The following ATP8B4 variants were observed in gnomAD, a reference collection of about 807,000 sequenced individuals.
The protein encoded by ATP8B4 is probable phospholipid-transporting ATPase IM.
ATP8B4 carries 133 observed loss-of-function variants against 145.6 expected under a neutral mutation model. The ratio of observed to expected loss-of-function variants is 0.91; its 90% CI spans 0.79 to 1.05. The LOEUF is 1.05. Among genes scored for constraint, ATP8B4 ranks in the 50% least tolerant of loss-of-function variants. The probability of loss-of-function intolerance (pLI) is 0.00; values close to 1 mark genes in which losing one functional copy is unlikely to be tolerated. For synonymous variants in ATP8B4, 507 were observed against 492.9 expected, an observed-to-expected ratio of 1.03 and a Z score of -0.38; for missense variants, 1,458 against 1,425.2, an observed-to-expected ratio of 1.02 and a Z score of -0.37.
At chr15:50,139,113 T>C (rs539407821) in intron 1 of ATP8B4, among the ~76,000 whole-genome samples, 3 of 152,294 alleles carry the variant, frequency 2.0e-5, no homozygotes, top group African/African-American at 7.2e-5. Flanking sequence ...TTATAAATCA[T>C]TGTACTAAAA....
intron 12 of ATP8B4, among the ~76,000 whole-genome samples, chr15:49,977,299 T>C (rs900772464): frequency 2.6e-5 from 4 of 152,158 alleles, no homozygotes; most frequent in Admixed American, 6.6e-5. Flanking sequence ...AAACCTGAAA[T>C]TCCTTGGAAT....
intron 1 of ATP8B4, among the ~76,000 whole-genome samples, chr15:50,140,397 T>C (rs571954597): frequency 3.3e-5 from 5 of 152,282 alleles, no homozygotes; most frequent in Admixed American, 2.6e-4. Context: ...CATTTCCTAA[T>C]GTGTAATGTG....
intron 2 of ATP8B4, among the ~76,000 whole-genome samples, chr15:50,087,133 A>ATC (rs1407973254): frequency 1.6e-5 from 2 of 126,344 alleles, no homozygotes; most frequent in African/African-American, 6.3e-5. Context: ...TAATATATAG[A>ATC]TCTATATTTA....
rs369245804 is a variant in ATP8B4 at position 50,098,664 on chromosome 15, A to G, written c.28+8275T>C. Among the ~76,000 whole-genome samples, 19 of 152,196 alleles carry G rather than the reference A, an allele frequency of 1.2e-4. 1 individual carries two copies. In the East Asian group the frequency reaches 2.1e-3, roughly 17 times the overall value. ...CTAAAAGCATATTTAACTACTTTCT[A>G]TATGTAGATTCACAAAAATAAGCAT... On this transcript the variant is annotated intron_variant, in intron 2 of 27. Coordinates refer to ENST00000284509, the MANE Select transcript of ATP8B4 (RefSeq NM_024837.4).
At chr15:49,960,316 C>T (rs543670452) in intron 14 of ATP8B4, among the ~76,000 whole-genome samples, 13 of 152,218 alleles carry the variant, frequency 8.5e-5, no homozygotes, top group South Asian at 4.1e-4. Context: ...CATGAGCCAC[C>T]ACGCCCAGCC....
intron 1 of ATP8B4, among the ~76,000 whole-genome samples, chr15:50,176,016 GTA>G (rs1336429477): frequency 6.6e-6 from 1 of 150,732 alleles, no homozygotes. Flanking sequence ...ATGTATCGCA[GTA>G]TATATATATC....
chr15:49,985,638 C>G (rs1435536792), intron 10 of ATP8B4, among the ~76,000 whole-genome samples: 2 of 152,206 alleles, frequency 1.3e-5, no homozygotes, highest in Non-Finnish European at 2.9e-5. Flanking sequence ...CAAGTGAACA[C>G]TGTGGCCAAA....
At chr15:49,997,499 T>A (rs1254797825) in intron 8 of ATP8B4, among the ~76,000 whole-genome samples, 1 of 152,160 alleles carries the variant, frequency 6.6e-6, no homozygotes, top group Non-Finnish European at 1.5e-5. Context: ...TTCTATCTTT[T>A]ATGGAAATGT....
chr15:49,895,043 C>T (rs993490770), intron 23 of ATP8B4: 5 of 152,196 alleles, frequency 3.3e-5, no homozygotes, highest in Non-Finnish European at 7.3e-5. Flanking sequence ...ATCCCTTTTC[C>T]ACCTGGCCCT....
chr15:49,990,833 A>G (rs763004586), intron 9 of ATP8B4, among the ~76,000 whole-genome samples: 4 of 152,174 alleles, frequency 2.6e-5, no homozygotes, highest in Admixed American at 6.6e-5. Context: ...AGCAAATAAA[A>G]CATCAATATT....
intron 1 of ATP8B4, among the ~76,000 whole-genome samples, chr15:50,109,679 G>C (rs56123457): frequency 6.6e-6 from 1 of 151,626 alleles, no homozygotes; most frequent in Non-Finnish European, 1.5e-5. Flanking sequence ...GCGGCAATGA[G>C]AATGCAAGCA....
In ATP8B4 at chr15:49,940,694, A is replaced by T. The variant is rs541029426; in HGVS notation, c.1288-6512T>A. ...CCGAAAATGAATCTGGAAAGAGAAT[A>T]AGGGGCTAGGTCCTCAATGACTTAG... On this transcript the variant is annotated intron_variant, in intron 14 of 27. Transcript: ENST00000284509. Among the ~76,000 whole-genome samples the T allele has an allele frequency of 2.6e-5, 4 of 152,310 alleles. No individual in the cohort carries two copies. The South Asian group carries it at 8.3e-4, about 32-fold the overall frequency.
At chr15:50,035,763 T>C (rs2050787482) in intron 6 of ATP8B4, among the ~76,000 whole-genome samples, 1 of 152,230 alleles carries the variant, frequency 6.6e-6, no homozygotes, top group Admixed American at 6.5e-5. Context: ...CCAGGTTTCC[T>C]GACTGCTACT....
chr15:50,084,038 C>G (rs567552464), intron 2 of ATP8B4, among the ~76,000 whole-genome samples: 1 of 152,128 alleles, frequency 6.6e-6, no homozygotes. Context: ...AAAAGCATCC[C>G]TGCCTGTCCC....
intron 1 of ATP8B4, among the ~76,000 whole-genome samples, chr15:50,130,536 G>C (rs917638287): frequency 1.1e-4 from 17 of 152,022 alleles, no homozygotes; most frequent in African/African-American, 4.1e-4. Context: ...CGGCAGTTTG[G>C]GAGGCTGAGG....
chr15:49,930,309 G>A (rs544775295), intron 16 of ATP8B4, among the ~76,000 whole-genome samples: 3 of 152,130 alleles, frequency 2.0e-5, no homozygotes, highest in African/African-American at 7.2e-5. Context: ...TTTTCTTAGA[G>A]AAATAGGAGA....
intron 1 of ATP8B4, among the ~76,000 whole-genome samples, chr15:50,126,998 C>T (rs1206508901): frequency 6.6e-6 from 1 of 152,160 alleles, no homozygotes; most frequent in Non-Finnish European, 1.5e-5. Context: ...AGAAGTTATA[C>T]CTACAGGCCA....
chr15:50,084,525 C>G (rs1476635839), intron 2 of ATP8B4, among the ~76,000 whole-genome samples: 1 of 152,170 alleles, frequency 6.6e-6, no homozygotes, highest in Non-Finnish European at 1.5e-5. Flanking sequence ...ACCATCTATT[C>G]TCAACGAGCA....
intron 27 of ATP8B4, among the ~76,000 whole-genome samples, chr15:49,861,442 C>G (rs1439145371): frequency 1.3e-5 from 2 of 149,614 alleles, no homozygotes; most frequent in Non-Finnish European, 3.0e-5. Flanking sequence ...GTCTGTCTGT[C>G]TGTCTGTCTG....
Sources: allele counts gnomAD v4.1 joint callset (sites outside exome capture counted in the v4.1 genomes callset), GRCh38; gene constraint gnomAD v4.1.1; transcripts MANE v1.5; gene names NCBI Gene and HGNC (gene_info 2026-07-23, HGNC 2026-07-21).